The following RAPGEF4 variants were observed in gnomAD, a reference collection of about 807,000 sequenced individuals.
The protein encoded by RAPGEF4 is RAP guanine-nucleotide-exchange factor (GEF) 4.
A neutral mutation model predicts 147.9 loss-of-function variants in RAPGEF4; 66 were observed. The observed-to-expected ratio is 0.45, with a 90% CI of 0.37 to 0.55. The LOEUF is 0.55. Among genes scored for constraint, RAPGEF4 ranks in the 20% least tolerant of loss-of-function variants. The pLI, the probability that RAPGEF4 is intolerant of heterozygous loss-of-function variation, is 0.00. For synonymous variants in RAPGEF4, 419 were observed against 442.7 expected (o/e 0.95, Z 0.67); for missense variants, 1,071 against 1,257.3 (o/e 0.85, Z 2.24).
At position 172,741,810 on chromosome 2, in the gene RAPGEF4, C is replaced by A. The variant is rs555755795; in HGVS notation, c.65+5762C>A. Among the ~76,000 whole-genome samples, 13 of 152,232 alleles carry A rather than the reference C, an allele frequency of 8.5e-5. No homozygotes were observed. In the East Asian group the frequency reaches 2.5e-3, roughly 29 times the overall value. ...CCTCAGCTTCCTGAGTAGCTGGGAC[C>A]ACAGATGTGTATCTCCATGCCTGGC... On this transcript the variant is annotated intron_variant, in intron 1 of 30. Coordinates refer to ENST00000397081, the MANE Select transcript of RAPGEF4 (RefSeq NM_007023.4).
chr2:172,921,351 G>T (rs934295367), intron 5 of RAPGEF4, among the ~76,000 whole-genome samples: 1 of 152,080 alleles, frequency 6.6e-6, no homozygotes, highest in African/African-American at 2.4e-5. Flanking sequence ...GCCTCCCAAA[G>T]TTCTGGGACT....
rs1291119778 is a variant in RAPGEF4 at position 172,736,023 on chromosome 2, G to A, written c.40G>A (p.Glu14Lys). The A allele has an allele frequency of 7.5e-6, 11 of 1,475,330 alleles. No homozygotes were observed. The highest frequency in any genetic ancestry group is 3.1e-5 in the East Asian group (1 of 32,268). The allele number at this position is 1,475,330 out of a possible 1,614,324, so 91.4% of individuals were successfully genotyped here. Residue 14 changes from glutamate (E) to lysine (K), a missense_variant, in exon 1 of 31, where the codon GAG (glutamate) becomes AAG (lysine). By Grantham distance (56) the Glu-to-Lys change is moderately conservative. Transcript: ENST00000397081. ...CGCTGCCCATTCTTCCTCCTCTGCC[G>A]AGTGGATCGCCTGCCTGGATAAAAG... ...AHAAHSSSSA[E>K]WIACLDKRPL...
At chr2:173,015,888 AAACG>A (rs1419977663) in intron 18 of RAPGEF4, among the ~76,000 whole-genome samples, 29 of 152,214 alleles carry the variant, frequency 1.9e-4, no homozygotes, top group Non-Finnish European at 1.0e-4. Flanking sequence ...AATAATGTGA[AAACG>A]AACATTAAAA....
At chr2:172,778,106 G>A (rs1354616716) in intron 1 of RAPGEF4, among the ~76,000 whole-genome samples, 1 of 152,244 alleles carries the variant, frequency 6.6e-6, no homozygotes, top group East Asian at 1.9e-4. Context: ...GACACCTGTA[G>A]GACTTTCTTT....
intron 1 of RAPGEF4, among the ~76,000 whole-genome samples, chr2:172,764,521 G>A (rs1205289931): frequency 6.6e-6 from 1 of 152,026 alleles, no homozygotes; most frequent in East Asian, 1.9e-4. Flanking sequence ...AGATGGGCTC[G>A]GCAGGATGTG....
intron 4 of RAPGEF4, among the ~76,000 whole-genome samples, chr2:172,827,504 A>G (rs1285945649): frequency 6.6e-6 from 1 of 151,888 alleles, no homozygotes; most frequent in South Asian, 2.1e-4. Flanking sequence ...TTCCTTTTCA[A>G]TTCCATCCCA....
At chr2:172,960,356 T>G (rs969209568) in intron 6 of RAPGEF4, among the ~76,000 whole-genome samples, 3 of 152,216 alleles carry the variant, frequency 2.0e-5, no homozygotes, top group Non-Finnish European at 4.4e-5. Context: ...ATAGCTCATT[T>G]CCATCCCATA....
intron 4 of RAPGEF4, among the ~76,000 whole-genome samples, chr2:172,916,121 C>T (rs957524034): frequency 6.6e-6 from 1 of 152,152 alleles, no homozygotes; most frequent in African/African-American, 2.4e-5. Context: ...ATGGTGTGCT[C>T]CACAAGACAG....
intron 4 of RAPGEF4, among the ~76,000 whole-genome samples, chr2:172,857,471 G>A (rs1043793330): frequency 3.9e-5 from 6 of 152,156 alleles, no homozygotes; most frequent in Non-Finnish European, 8.8e-5. Context: ...TTTGAGACGC[G>A]AGTTTATATA....
chr2:172,912,937 C>G (rs909316080), intron 4 of RAPGEF4, among the ~76,000 whole-genome samples: 3 of 149,032 alleles, frequency 2.0e-5, no homozygotes, highest in African/African-American at 7.4e-5. Flanking sequence ...TGTCTGTCGC[C>G]CAGGATGGAG....
chr2:172,996,783 A>G (rs1256219376), intron 16 of RAPGEF4, among the ~76,000 whole-genome samples: 2 of 152,182 alleles, frequency 1.3e-5, no homozygotes, highest in African/African-American at 4.8e-5. Flanking sequence ...TCATTTCTAC[A>G]TACTATGCCT....
At chr2:172,959,277 T>C (rs1689048358) in intron 6 of RAPGEF4, among the ~76,000 whole-genome samples, 1 of 152,230 alleles carries the variant, frequency 6.6e-6, no homozygotes, top group Non-Finnish European at 1.5e-5. Flanking sequence ...TTTTTCTCCT[T>C]TTCCATCTTC....
At chr2:172,761,477 G>A (rs1696331935) in intron 1 of RAPGEF4, among the ~76,000 whole-genome samples, 1 of 152,078 alleles carries the variant, frequency 6.6e-6, no homozygotes, top group South Asian at 2.1e-4. Flanking sequence ...GGAAAAAAAA[G>A]AATTGTCAAC....
At chr2:172,920,998 G>A (rs1684695035) in intron 5 of RAPGEF4, among the ~76,000 whole-genome samples, 1 of 152,088 alleles carries the variant, frequency 6.6e-6, no homozygotes, top group East Asian at 1.9e-4. Context: ...CCCAGGTGTG[G>A]ATCAAAGCTT....
chr2:173,036,544 A>C, intron 28 of RAPGEF4, 84 bp from the exon 29 acceptor site: 1 of 1,061,512 alleles, frequency 9.4e-7, no homozygotes, highest in Non-Finnish European at 1.4e-6. Context: ...CAAATCTGCC[A>C]GCATAATCTA....
intron 4 of RAPGEF4, among the ~76,000 whole-genome samples, chr2:172,854,492 A>G (rs927585300): frequency 1.3e-5 from 2 of 152,078 alleles, no homozygotes; most frequent in African/African-American, 2.4e-5. Context: ...TATAAAGAAC[A>G]TATAGATGAA....
At chr2:172,780,590 TC>T (rs1431666511) in intron 1 of RAPGEF4, among the ~76,000 whole-genome samples, 1 of 152,188 alleles carries the variant, frequency 6.6e-6, no homozygotes, top group African/African-American at 2.4e-5. Context: ...TTTTTTTGGT[TC>T]CGCTTCTCAG....
intron 17 of RAPGEF4, among the ~76,000 whole-genome samples, chr2:173,001,784 C>T (rs977696571): frequency 1.9e-4 from 29 of 151,930 alleles, no homozygotes; most frequent in African/African-American, 4.1e-4. Flanking sequence ...CACTTTTAAA[C>T]GACCAGATCT....
intron 17 of RAPGEF4, among the ~76,000 whole-genome samples, chr2:173,012,691 A>G (rs1197648568): frequency 6.6e-6 from 1 of 152,216 alleles, no homozygotes; most frequent in Non-Finnish European, 1.5e-5. Context: ...ATGGAAGTCT[A>G]CAGTGGCTAA....
Sources: allele counts gnomAD v4.1 joint callset (sites outside exome capture counted in the v4.1 genomes callset), GRCh38; gene constraint gnomAD v4.1.1; transcripts MANE v1.5; gene names NCBI Gene and HGNC (gene_info 2026-07-23, HGNC 2026-07-21).